Variants in ZNF600 observed in about 807,000 individuals in gnomAD.
ZNF600 encodes zinc finger protein KR-ZNF1.
In ZNF600, 4 loss-of-function variants were observed where a neutral mutation model predicts 7.3. The observed-to-expected ratio is 0.55, with a 90% CI of 0.27 to 1.25. The LOEUF is 1.25. Ranked by LOEUF, ZNF600 falls within the 50% of genes most tolerant of loss-of-function variation. The pLI is 0.12. For synonymous variants in ZNF600, 290 were observed against 308.9 expected, an observed-to-expected ratio of 0.94 and a Z score of 0.64; for missense variants, 911 against 922.1, an observed-to-expected ratio of 0.99 and a Z score of 0.16.
chr19:52,775,785 G>C (rs1325886243), intron 2 of ZNF600, among the ~76,000 whole-genome samples: 2 of 152,072 alleles, frequency 1.3e-5, no homozygotes, highest in Non-Finnish European at 2.9e-5. Context: ...GAGGCAGGTG[G>C]ATCACGAGGT....
the ZNF600 span, chr19:52,801,533 A>G: frequency 6.2e-7 from 1 of 1,614,082 alleles, no homozygotes; most frequent in South Asian, 1.1e-5. Context: ...CATTTGTTTC[A>G]TCTTCTTTCC....
At chr19:52,801,252 T>C in the ZNF600 span, 1 of 1,614,170 alleles carries the variant, frequency 6.2e-7, no homozygotes, top group Non-Finnish European at 8.5e-7. Context: ...TAATGAAGAA[T>C]GGAGGGAATT....
chr19:52,767,756 G>A lies in ZNF600; in HGVS notation c.207C>T (p.Arg69=), dbSNP rs778307224. 2.1e-5 allele frequency: 33 copies of A among 1,568,168 alleles called. 1 individual carries two copies. In the East Asian group the frequency reaches 7.2e-4, roughly 34 times the overall value. The change falls in exon 4 of 4, where the codon CGC becomes CGT. Residue 69 remains arginine, a synonymous_variant. Coordinates refer to ENST00000648973, the Ensembl canonical transcript of ZNF600. The stretch of plus-strand genomic sequence containing the variant: ...CTGTTGACAAGACCTCCTTCATCAT[G>A]CGTTTGGAAGAGATATCTACAAAAT...
chr19:52,798,995 G>C, the ZNF600 span: 41 of 943,708 alleles, frequency 4.3e-5, no homozygotes, highest in Middle Eastern at 7.4e-4. Context: ...ACTCCCAAAA[G>C]CCTTGTTACA....
Position 52,766,519 on chromosome 19 carries a change from G to GT in ZNF600, c.1443dup (p.Pro482ThrfsTer5). The GT allele has an allele frequency of 1.2e-6, 2 of 1,613,900 alleles. No homozygotes were observed. Among genetic ancestry groups the GT allele is most frequent in the Non-Finnish European group, 1.7e-6 (2 of 1,179,998 alleles). ...TTCCCACATTCATTACACTTGTAAGGTTTTCCTCCACTATGAATTCTAGTA... is the reference window on the plus strand; with the variant it reads ...TTCCCACATTCATTACACTTGTAAGGTTTTTCCTCCACTATGAATTCTAGTA... On this transcript the variant is annotated frameshift_variant, in exon 4 of 4. Coordinates refer to ENST00000648973, the Ensembl canonical transcript of ZNF600. LOFTEE classifies it low-confidence loss of function (END_TRUNC).
At position 52,770,367 on chromosome 19, in the gene ZNF600, A is replaced by G. The variant is rs117957584; in HGVS notation, c.191-2595T>C. On this transcript the variant is annotated intron_variant, in intron 3 of 3. Coordinates refer to ENST00000648973, the Ensembl canonical transcript of ZNF600. ...TGAAGCAAAAGAATCATTTGAACCC[A>G]GGAGGCAAAGGTTACAGTGAGCCGA... is the stretch of plus-strand genomic sequence containing the variant. 1.7e-4 allele frequency among the ~76,000 whole-genome samples: 26 copies of G among 152,338 alleles called. No homozygotes were observed. In the East Asian group the frequency reaches 4.2e-3, roughly 25 times the overall value.
chr19:52,799,884 T>C, the ZNF600 span: 10 of 1,614,030 alleles, frequency 6.2e-6, no homozygotes, highest in South Asian at 7.7e-5. Flanking sequence ...ATGAAGCCTA[T>C]GATGGTATAC....
chr19:52,792,057 G>C, the ZNF600 span, among the ~76,000 whole-genome samples: 2 of 152,224 alleles, frequency 1.3e-5, no homozygotes, highest in East Asian at 3.9e-4. Context: ...CGGCACAAAA[G>C]CTCTATTTGA....
the ZNF600 span, chr19:52,798,471 G>A: frequency 2.1e-6 from 1 of 473,506 alleles, no homozygotes; most frequent in South Asian, 1.6e-5. Flanking sequence ...CTGATGGTCT[G>A]CAAGGAGTGA....
the ZNF600 span, chr19:52,810,428 C>T: frequency 3.1e-6 from 5 of 1,602,844 alleles, no homozygotes; most frequent in East Asian, 9.0e-5. Flanking sequence ...GTGGCCATCC[C>T]AAAGGGTTTG....
At chr19:52,810,144 G>A in the ZNF600 span, 1 of 907,734 alleles carries the variant, frequency 1.1e-6, no homozygotes. Context: ...GGGTGACCCG[G>A]GGCTGGAAGC....
chr19:52,822,961 A>G, the ZNF600 span, among the ~76,000 whole-genome samples: 1 of 152,142 alleles, frequency 6.6e-6, no homozygotes, highest in Non-Finnish European at 1.5e-5. Context: ...GTTCCCAAGT[A>G]GAGACGTTAA....
chr19:52,795,514 A>G, the ZNF600 span, among the ~76,000 whole-genome samples: 1 of 152,146 alleles, frequency 6.6e-6, no homozygotes, highest in Non-Finnish European at 1.5e-5. Context: ...GTTGGAAAAC[A>G]ATGATGTGAC....
the ZNF600 span, among the ~76,000 whole-genome samples, chr19:52,807,229 G>A: frequency 9.8e-5 from 11 of 112,386 alleles, no homozygotes; most frequent in Non-Finnish European, 2.2e-4. Context: ...AAAAAGAAAG[G>A]ACCATAACAT....
rs955217793 is a variant in ZNF600 at position 52,786,591 on chromosome 19, T to C, written c.-20+4A>G. 2 of 176,924 alleles carry C rather than the reference T, an allele frequency of 1.1e-5. No individual in the cohort carries two copies. The highest frequency in any genetic ancestry group is 5.1e-5 in the Admixed American group (1 of 19,664). 11.0% of individuals were successfully genotyped at this position (176,924 alleles called of 1,614,324 possible). On this transcript the variant is annotated splice_donor_region_variant and intron_variant, in intron 1 of 3. Transcript: ENST00000648973. ...CCAAAAGCAAGCAACTTCCAGACTC[T>C]TACCGGGACGTCTCAATTTGCTCTG... is the stretch of plus-strand genomic sequence containing the variant.
rs779372102 is a variant in ZNF600, at chr19:52,765,643, T to C, written c.2320A>G (p.Lys774Glu). 2.5e-6 allele frequency: 4 copies of C among 1,613,842 alleles called. No individual in the cohort carries two copies. In the South Asian group the frequency reaches 4.4e-5, roughly 18 times the overall value. Residue 774 changes from lysine to glutamate, a missense_variant, in exon 4 of 4, where the codon AAG becomes GAG. By Grantham distance (56) the Lys-to-Glu change is moderately conservative (BLOSUM62 1). Transcript: ENST00000648973. ...TGATGGTGAATAAGTGTTGACTGCT[T>C]GCTAAAGGCTTTGCCACACTCATTA...
chr19:52,778,642 C>T (rs892694712), intron 2 of ZNF600, among the ~76,000 whole-genome samples, 184 bp downstream of exon 4: 5 of 152,146 alleles, frequency 3.3e-5, no homozygotes, highest in African/African-American at 1.2e-4. Flanking sequence ...TTCCCAAGTT[C>T]ACATCACTGG....
chr19:52,828,753 G>A, the ZNF600 span, among the ~76,000 whole-genome samples: 1 of 152,178 alleles, frequency 6.6e-6, no homozygotes, highest in Non-Finnish European at 1.5e-5. Context: ...CATGTTCAGA[G>A]TTCTTATTCT....
upstream of ZNF600, among the ~76,000 whole-genome samples, chr19:52,788,960 C>A (rs2062785035): frequency 6.6e-6 from 1 of 152,208 alleles, no homozygotes; most frequent in South Asian, 2.1e-4. Context: ...CAGAGCCCCA[C>A]CTTCTGGCTC....
Sources: allele counts gnomAD v4.1 joint callset (sites outside exome capture counted in the v4.1 genomes callset), GRCh38; gene constraint gnomAD v4.1.1; transcripts MANE v1.5; gene names NCBI Gene and HGNC (gene_info 2026-07-23, HGNC 2026-07-21).